Variants in LIPI observed in about 807,000 individuals in gnomAD.
The protein encoded by LIPI is lipase member I.
LIPI carries 59 observed loss-of-function variants against 50.6 expected under a neutral mutation model. The observed-to-expected ratio is 1.16, with a 90% CI of 0.94 to 1.45. LIPI has a LOEUF of 1.45. Among genes scored for constraint, LIPI ranks in the 40% most tolerant of loss-of-function variants. The pLI is 0.00. For synonymous variants in LIPI, 203 were observed against 178.2 expected (o/e 1.14, Z -1.11); for missense variants, 586 against 536.3 (o/e 1.09, Z -0.92).
chr21:14,171,239 T>C (rs1568865580), intron 4 of LIPI, among the ~76,000 whole-genome samples: 2 of 149,612 alleles, frequency 1.3e-5, no homozygotes, highest in Non-Finnish European at 3.0e-5. Flanking sequence ...TGGAAGAACA[T>C]TCCATGCTCA....
At chr21:14,165,144 T>C in intron 6 of LIPI, 79 bp downstream of exon 6, 2 of 1,121,444 alleles carry the variant, frequency 1.8e-6, no homozygotes, top group Middle Eastern at 2.8e-4. Context: ...GTGCACAGTT[T>C]AGCTTCCAGC....
At position 14,134,395 on chromosome 21, in the gene LIPI, A is replaced by G. The variant is rs544210215; in HGVS notation, c.1295+10228T>C. ...CAAAGCAATCTATAGATTCAATACA[A>G]TTTCTATTGGATTACCAAAGTCATT... is the stretch of plus-strand genomic sequence containing the variant. On this transcript the variant is annotated intron_variant, in intron 9 of 9. Coordinates refer to ENST00000681601, the MANE Select transcript of LIPI (RefSeq NM_001302998.2). 3.7e-4 allele frequency among the ~76,000 whole-genome samples: 57 copies of G among 152,286 alleles called. 1 individual carries two copies. Among genetic ancestry groups the G allele is most frequent in the African/African-American group, 1.3e-3 (54 of 41,556 alleles).
chr21:14,146,419 C>A (rs915133285), intron 8 of LIPI, among the ~76,000 whole-genome samples: 1 of 152,196 alleles, frequency 6.6e-6, no homozygotes, highest in African/African-American at 2.4e-5. Context: ...CACATTCAAT[C>A]TATCAGAAAT....
chr21:14,160,258 T>C (rs2018415444), intron 7 of LIPI, among the ~76,000 whole-genome samples: 1 of 151,350 alleles, frequency 6.6e-6, no homozygotes, highest in African/African-American at 2.4e-5. Flanking sequence ...TTAAATGCTA[T>C]GTGGTACTAG....
At chr21:14,208,442 T>C (rs1017063954) in intron 1 of LIPI, among the ~76,000 whole-genome samples, 2 of 152,246 alleles carry the variant, frequency 1.3e-5, no homozygotes, top group Non-Finnish European at 2.9e-5. Flanking sequence ...ATTCTACCTT[T>C]AACATCTCTT....
intron 9 of LIPI, among the ~76,000 whole-genome samples, chr21:14,135,513 G>A (rs2017461125): frequency 6.6e-6 from 1 of 152,130 alleles, no homozygotes; most frequent in African/African-American, 2.4e-5. Flanking sequence ...GGAGAACACA[G>A]CAATTGAGAG....
chr21:14,199,666 G>A (rs774989623), intron 1 of LIPI, among the ~76,000 whole-genome samples: 38 of 150,236 alleles, frequency 2.5e-4, no homozygotes, highest in Non-Finnish European at 4.9e-4. Context: ...AATTCTACTA[G>A]ATATAAAAGA....
At chr21:14,145,980 T>C (rs1452765363) in intron 8 of LIPI, among the ~76,000 whole-genome samples, 1 of 152,194 alleles carries the variant, frequency 6.6e-6, no homozygotes, top group East Asian at 1.9e-4. Context: ...GACTATAATG[T>C]CATTAGATAT....
At chr21:14,191,884 G>A (rs540648920) in intron 1 of LIPI, among the ~76,000 whole-genome samples, 25 of 152,276 alleles carry the variant, frequency 1.6e-4, no homozygotes, top group Admixed American at 1.6e-3. Flanking sequence ...GTTAGAAAAG[G>A]AAAGACAGTT....
chr21:14,110,822 A>G (rs2187062), intron 9 of LIPI, among the ~76,000 whole-genome samples: 48,918 of 150,844 alleles, frequency 0.32, 8,700 homozygotes, highest in African/African-American at 0.46. Flanking sequence ...CTTCTTTATT[A>G]TGTCTGAATA....
intron 2 of LIPI, among the ~76,000 whole-genome samples, chr21:14,187,039 G>A (rs889047170): frequency 2.6e-5 from 4 of 152,098 alleles, no homozygotes; most frequent in Non-Finnish European, 5.9e-5. Flanking sequence ...ATCTGATCAG[G>A]TTGTGTCAAA....
intron 9 of LIPI, among the ~76,000 whole-genome samples, chr21:14,140,916 T>C (rs138908307): frequency 1.2e-4 from 19 of 152,300 alleles, no homozygotes; most frequent in African/African-American, 4.3e-4. Context: ...AACATCTACC[T>C]TAGATTTTGA....
intron 7 of LIPI, among the ~76,000 whole-genome samples, chr21:14,154,757 A>G (rs193003700): frequency 6.6e-6 from 1 of 152,228 alleles, no homozygotes; most frequent in Admixed American, 6.6e-5. Flanking sequence ...CTGAGAAAAT[A>G]TGATGTCCCA....
At chr21:14,178,219 G>A (rs1322424643) in intron 4 of LIPI, among the ~76,000 whole-genome samples, 1 of 152,070 alleles carries the variant, frequency 6.6e-6, no homozygotes, top group Non-Finnish European at 1.5e-5. Context: ...TTTTGAACTT[G>A]TAGACTGATT....
intron 1 of LIPI, among the ~76,000 whole-genome samples, chr21:14,194,850 A>C (rs762823953): frequency 6.6e-6 from 1 of 152,228 alleles, no homozygotes; most frequent in Admixed American, 6.5e-5. Context: ...AGAAAACAAA[A>C]CAAAACATTA....
chr21:14,195,383 A>AAC (rs199733132), intron 1 of LIPI, among the ~76,000 whole-genome samples: 2 of 69,648 alleles, frequency 2.9e-5, no homozygotes, highest in African/African-American at 2.5e-4. Flanking sequence ...GACCTTAATA[A>AAC]ATGCAGGGAC....
At chr21:14,182,257 G>T (rs2019299112) in intron 3 of LIPI, among the ~76,000 whole-genome samples, 1 of 152,100 alleles carries the variant, frequency 6.6e-6, no homozygotes, top group Non-Finnish European at 1.5e-5. Flanking sequence ...TTTATCTGTA[G>T]ATAGACCTGA....
At chr21:14,153,498 T>G (rs187128764) in intron 7 of LIPI, among the ~76,000 whole-genome samples, 1 of 152,144 alleles carries the variant, frequency 6.6e-6, no homozygotes, top group Admixed American at 6.6e-5. Context: ...ATGTTACAGA[T>G]TAAGCCACCC....
At chr21:14,206,920 A>T in intron 1 of LIPI, 1 of 1,599,390 alleles carries the variant, frequency 6.3e-7, no homozygotes, top group Non-Finnish European at 8.6e-7. Context: ...CATTTGAGCA[A>T]CATAAATAAG....
Sources: gnomAD v4.1 joint callset for allele counts (sites outside exome capture counted in the v4.1 genomes callset) on GRCh38, gnomAD v4.1.1 for gene constraint, MANE v1.5 for transcripts, NCBI Gene and HGNC (gene_info 2026-07-23, HGNC 2026-07-21) for gene names.